POLR2B: variants seen among roughly 807,000 people sequenced by gnomAD.
POLR2B encodes DNA-directed RNA polymerase II subunit RPB2.
A neutral mutation model predicts 144.6 loss-of-function variants in POLR2B; 57 were observed. The ratio of observed to expected loss-of-function variants is 0.39; its 90% CI spans 0.32 to 0.49. The LOEUF is 0.49. Among genes scored for constraint, POLR2B ranks in the 20% least tolerant of loss-of-function variants. POLR2B has a pLI of 0.83. For missense variants in POLR2B, 595 were observed against 1,467.4 expected (o/e 0.41, Z 9.71); for synonymous variants, 442 against 469.8 (o/e 0.94, Z 0.77).
chr4:57,025,130 T>A, intron 22 of POLR2B, 131 bp downstream of exon 22: 1 of 624,188 alleles, frequency 1.6e-6, no homozygotes, highest in Non-Finnish European at 2.8e-6. Context: ...CTTGATGAAT[T>A]TTCACAAAGT....
intron 16 of POLR2B, among the ~76,000 whole-genome samples, chr4:57,018,685 T>A (rs151122711): frequency 1.2e-3 from 182 of 152,292 alleles, no homozygotes; most frequent in African/African-American, 4.1e-3. Context: ...AGTCTAGAGA[T>A]GTAAAATTTT....
intron 7 of POLR2B, among the ~76,000 whole-genome samples, chr4:57,002,333 C>T (rs1229118842): frequency 1.3e-5 from 2 of 151,956 alleles, no homozygotes; most frequent in African/African-American, 4.8e-5. Flanking sequence ...CCAGGCCCGA[C>T]CTGGAGTTTT....
intron 6 of POLR2B, among the ~76,000 whole-genome samples, chr4:56,999,120 A>G (rs1349320245): frequency 2.0e-5 from 3 of 152,176 alleles, no homozygotes; most frequent in African/African-American, 7.2e-5. Flanking sequence ...AAACACTGAG[A>G]CAAGGAAATG....
chr4:57,030,727 C>G, intron 24 of POLR2B, 172 bp from the exon 25 acceptor site: 1 of 574,008 alleles, frequency 1.7e-6, no homozygotes, highest in East Asian at 2.8e-5. Context: ...GGTAAAATAC[C>G]AAAGCCTACT....
intron 16 of POLR2B, among the ~76,000 whole-genome samples, chr4:57,020,335 A>G (rs1723502051): frequency 6.6e-6 from 1 of 152,138 alleles, no homozygotes; most frequent in Admixed American, 6.5e-5. Flanking sequence ...CCCGACCTAA[A>G]TATCAAGTTA....
At chr4:56,991,842 A>G (rs1045843437) in intron 3 of POLR2B, among the ~76,000 whole-genome samples, 34 of 152,074 alleles carry the variant, frequency 2.2e-4, no homozygotes, top group Non-Finnish European at 4.3e-4. Context: ...TATTTTTAGT[A>G]GAGATGGTGT....
chr4:57,023,272 A>G lies in POLR2B; in HGVS notation c.2516-58A>G, dbSNP rs1353786578. The G allele has an allele frequency of 1.3e-6, 2 of 1,570,186 alleles. No homozygotes were observed. Among genetic ancestry groups the G allele is most frequent in the Non-Finnish European group, 1.7e-6 (2 of 1,146,232 alleles). On this transcript the variant is annotated intron_variant, in intron 18 of 24. Coordinates refer to ENST00000314595, the MANE Select transcript of POLR2B (RefSeq NM_000938.3). The surrounding 1 kb of genome is among the most constrained non-coding windows in gnomAD (Gnocchi z 4.3). ...TCTCTGACTTGGAACTGATTCATGT[A>G]TGTGGTTTTTAATCTTTGTTGGGGA... is the stretch of plus-strand genomic sequence containing the variant.
At chr4:57,022,885 T>A (rs2109715458) in intron 18 of POLR2B, among the ~76,000 whole-genome samples, 1 of 152,304 alleles carries the variant, frequency 6.6e-6, no homozygotes, top group African/African-American at 2.4e-5. Flanking sequence ...TGAATTGATG[T>A]CCAGTGGAGT....
At chr4:56,986,031 G>T (rs1722316894) in intron 1 of POLR2B, among the ~76,000 whole-genome samples, 1 of 152,192 alleles carries the variant, frequency 6.6e-6, no homozygotes, top group Non-Finnish European at 1.5e-5. Flanking sequence ...CCAGTTGTTG[G>T]AATCCTTCCA....
At chr4:56,979,798 C>T (rs1722097350) in intron 1 of POLR2B, among the ~76,000 whole-genome samples, 1 of 151,576 alleles carries the variant, frequency 6.6e-6, no homozygotes, top group East Asian at 1.9e-4. Context: ...ACTCGGGAGG[C>T]TGAGGCCGGA....
chr4:56,999,706 A>G lies in POLR2B; in HGVS notation c.825A>G (p.Ala275=). 2 of 1,610,832 alleles carry G rather than the reference A, an allele frequency of 1.2e-6. No individual in the cohort carries two copies. The change falls in exon 7 of 25, where the codon GCA becomes GCG. Residue 275 remains alanine, a synonymous_variant. Transcript: ENST00000314595. ...QEVPIIIVFR[A]LGFVSDRDIL... ...TTCCCATCATTATTGTGTTCAGAGC[A>G]TTAGGTTTTGTGTCCGACAGAGATA...
At chr4:57,016,986 A>T in intron 14 of POLR2B, 57 bp from the exon 15 acceptor site, 1 of 844,674 alleles carries the variant, frequency 1.2e-6, no homozygotes, top group Non-Finnish European at 1.8e-6. Context: ...TTTAAGTAGG[A>T]GGAATAGTTA....
chr4:57,007,080 A>G (rs2109685131), intron 10 of POLR2B, 78 bp downstream of exon 10: 1 of 1,086,804 alleles, frequency 9.2e-7, no homozygotes, highest in South Asian at 1.5e-5. Flanking sequence ...TTTGTTGAAT[A>G]TAAATTATTT....
chr4:57,016,280 C>G (rs1470353994), intron 14 of POLR2B, among the ~76,000 whole-genome samples: 1 of 151,960 alleles, frequency 6.6e-6, no homozygotes, highest in African/African-American at 2.4e-5. Flanking sequence ...GGTGTAGTGG[C>G]TCATGCCTGT....
chr4:57,010,900 G>A lies in POLR2B; in HGVS notation c.1688+13G>A. 1 of 1,602,984 alleles carries A rather than the reference G, an allele frequency of 6.2e-7. No homozygotes were observed. The highest frequency in any genetic ancestry group is 1.7e-4 in the Middle Eastern group (1 of 5,948). On this transcript the variant is annotated intron_variant, in intron 12 of 24. Coordinates refer to ENST00000314595, the MANE Select transcript of POLR2B (RefSeq NM_000938.3). ...CAGCTATTGCTGAGTGTGTATAGAT[G>A]GAATTAGTTTTTTAAACTATAGTTA...
chr4:57,030,063 C>A (rs1486396290), intron 23 of POLR2B, 141 bp from the exon 24 acceptor site: 1 of 707,364 alleles, frequency 1.4e-6, no homozygotes, highest in Non-Finnish European at 2.4e-6. Context: ...CCTCTCCCCA[C>A]CAATAGAGAG....
At position 57,017,716 on chromosome 4, in the gene POLR2B, G is replaced by T. The variant is rs1024217198; in HGVS notation, c.2311G>T (p.Glu771Ter). ...GTCTATGGAATATCTACGATTTAGA[G>T]AGCTGCCAGCAGGTATGGTCAGTTT... The part of the protein sequence containing the change: ...TRSMEYLRFR[E>*]LPAGINSIVA... The change falls in exon 16 of 25, where the codon GAG becomes TAG. Residue 771 changes from glutamate (E) to a stop codon, truncating the protein, a stop_gained. Transcript: ENST00000314595. LOFTEE classifies it high-confidence loss of function. This position sits in a 1 kb window ranked among gnomAD's most constrained non-coding sequence, Gnocchi z 4.8. The T allele has an allele frequency of 1.9e-6, 3 of 1,612,888 alleles. No homozygotes were observed. Among genetic ancestry groups the T allele is most frequent in the African/African-American group, 1.3e-5 (1 of 74,980 alleles).
chr4:57,021,346 C>G (rs2109711516), intron 17 of POLR2B, among the ~76,000 whole-genome samples: 1 of 152,184 alleles, frequency 6.6e-6, no homozygotes. Context: ...TGTCGACAAA[C>G]AGACCTCAAA....
rs1368642416 is a variant in POLR2B, at chr4:57,011,068, T to C, written c.1768T>C (p.Leu590=). Residue 590 remains leucine, a synonymous_variant, in exon 13 of 25, where the codon TTG becomes CTG. Transcript: ENST00000314595. Reference sequence around the variant, plus strand: ...ACAACTTATGAACACCCTAAGGAAATTGAGACGTCAGATGGACATCATTGT... The same window carrying C: ...ACAACTTATGAACACCCTAAGGAAACTGAGACGTCAGATGGACATCATTGT... ...PEQLMNTLRK[L]RRQMDIIVSE... 1.9e-6 allele frequency: 3 copies of C among 1,612,554 alleles called. No individual in the cohort carries two copies. Among genetic ancestry groups the C allele is most frequent in the East Asian group, 2.2e-5 (1 of 44,846 alleles).
Sources: gnomAD v4.1 joint callset for allele counts (sites outside exome capture counted in the v4.1 genomes callset) on GRCh38, gnomAD v4.1.1 for gene constraint, Gnocchi (gnomAD v3.1) non-coding constraint, MANE v1.5 for transcripts, NCBI Gene and HGNC (gene_info 2026-07-23, HGNC 2026-07-21) for gene names.